The following MDGA2 variants were observed in gnomAD, a reference collection of about 807,000 sequenced individuals.
MDGA2 encodes the protein MAM domain-containing glycosylphosphatidylinositol anchor protein 2.
In MDGA2, 40 loss-of-function variants were observed where a neutral mutation model predicts 117.8. The ratio of observed to expected loss-of-function variants is 0.34; its 90% confidence interval spans 0.26 to 0.44. The LOEUF (loss-of-function observed/expected upper bound fraction) is 0.44, where lower values mean the gene tolerates loss of function less well. MDGA2 is among the 20% of genes least tolerant of loss of function. The pLI is 1.00. For synonymous variants in MDGA2, 452 were observed against 439.0 expected (o/e 1.03, Z -0.37); for missense variants, 1,123 against 1,250.6 (o/e 0.90, Z 1.54).
intron 6 of MDGA2, among the ~76,000 whole-genome samples, chr14:47,085,618 CTTT>C (rs200319028): frequency 4.0e-4 from 58 of 146,790 alleles, no homozygotes; most frequent in South Asian, 1.9e-3. Flanking sequence ...TAAATCAAGT[CTTT>C]TTTTTTTTTT....
Position 47,094,360 on chromosome 14 carries a change from C to G in MDGA2, c.1195+2494G>C, listed in dbSNP as rs1344917300. ...AGGTCTTTCATGTCAAAGTTGGAAA[C>G]TTTCTTTTGTAAGGATACAGGTGAA... On this transcript the variant is annotated intron_variant, in intron 6 of 16. Transcript: ENST00000399232. 4.6e-5 allele frequency among the ~76,000 whole-genome samples: 7 copies of G among 151,900 alleles called. No individual in the cohort carries two copies. In the East Asian group the frequency reaches 1.2e-3, roughly 25 times the overall value.
At chr14:47,041,233 T>G (rs1246560443) in intron 7 of MDGA2, among the ~76,000 whole-genome samples, 2 of 152,080 alleles carry the variant, frequency 1.3e-5, no homozygotes, top group South Asian at 2.1e-4. Flanking sequence ...TTCTTTCATT[T>G]AAATATTTGA....
At chr14:47,265,495 A>T (rs529593795) in intron 2 of MDGA2, among the ~76,000 whole-genome samples, 90 of 152,206 alleles carry the variant, frequency 5.9e-4, no homozygotes, top group Non-Finnish European at 9.4e-4. Flanking sequence ...AGTTTTCATT[A>T]GTTGGTCTAT....
At chr14:47,284,839 T>C (rs1252318962) in intron 2 of MDGA2, among the ~76,000 whole-genome samples, 1 of 152,152 alleles carries the variant, frequency 6.6e-6, no homozygotes, top group Non-Finnish European at 1.5e-5. Context: ...TCTTTGACTG[T>C]CTGCCTGTAC....
intron 9 of MDGA2, among the ~76,000 whole-genome samples, chr14:46,950,412 T>C (rs977408008): frequency 1.3e-4 from 19 of 151,970 alleles, no homozygotes; most frequent in African/African-American, 4.3e-4. Context: ...GTAGTAGGGT[T>C]GTTGGAGATG....
At chr14:47,345,401 T>C (rs1320528539) in intron 1 of MDGA2, among the ~76,000 whole-genome samples, 2 of 152,132 alleles carry the variant, frequency 1.3e-5, no homozygotes, top group Non-Finnish European at 2.9e-5. Context: ...GCACCAATAT[T>C]CTTTATGCAA....
At chr14:47,242,005 T>C (rs1016791183) in intron 2 of MDGA2, among the ~76,000 whole-genome samples, 1 of 151,842 alleles carries the variant, frequency 6.6e-6, no homozygotes, top group African/African-American at 2.4e-5. Flanking sequence ...AGATGGTGCA[T>C]AGAAAATGAC....
intron 2 of MDGA2, among the ~76,000 whole-genome samples, chr14:47,246,988 C>A (rs1386576918): frequency 6.6e-6 from 1 of 151,750 alleles, no homozygotes; most frequent in Non-Finnish European, 1.5e-5. Context: ...ATTGTGCGAT[C>A]CTCAGTTATC....
intron 1 of MDGA2, among the ~76,000 whole-genome samples, chr14:47,666,863 G>C (rs1470397987): frequency 1.3e-5 from 2 of 151,932 alleles, no homozygotes; most frequent in Non-Finnish European, 2.9e-5. Flanking sequence ...AGACCACAAA[G>C]CCACTGGGAG....
At position 46,919,000 on chromosome 14, in the gene MDGA2, G is replaced by T. The variant is rs181407953; in HGVS notation, c.2238+1012C>A. 3.3e-3 allele frequency among the ~76,000 whole-genome samples: 498 copies of T among 152,162 alleles called. 4 individuals carry two copies. The highest frequency in any genetic ancestry group is 0.012 in the African/African-American group (478 of 41,512). ...GATGGTCTCAATCTCCTGACCTCGT[G>T]ATTCGCCCGCCTCGGCCTCCTAAAG... On this transcript the variant is annotated intron_variant, in intron 10 of 16. Transcript: ENST00000399232.
chr14:47,515,873 T>C (rs1894740916), intron 1 of MDGA2, among the ~76,000 whole-genome samples: 1 of 152,130 alleles, frequency 6.6e-6, no homozygotes, highest in Non-Finnish European at 1.5e-5. Flanking sequence ...CATCTGCAAA[T>C]AGTACAGAAC....
chr14:47,370,824 G>A (rs946234335), intron 1 of MDGA2, among the ~76,000 whole-genome samples: 6 of 151,442 alleles, frequency 4.0e-5, no homozygotes, highest in Middle Eastern at 6.8e-3. Context: ...ATCCTCTTCT[G>A]TATTCCCATT....
chr14:47,609,427 T>TAATATATATATA (rs1896799227), intron 1 of MDGA2, among the ~76,000 whole-genome samples: 1 of 6,934 alleles, frequency 1.4e-4, no homozygotes, highest in Admixed American at 2.6e-3. Flanking sequence ...TAGTATTCCA[T>TAATATATATATA]CATATATATA....
At chr14:47,324,647 AT>A (rs151283241) in intron 1 of MDGA2, among the ~76,000 whole-genome samples, 43 of 151,120 alleles carry the variant, frequency 2.8e-4, no homozygotes, top group African/African-American at 6.3e-4. Flanking sequence ...AAATTCATGC[AT>A]TTTTTTTTGA....
At chr14:47,314,227 T>A (rs529854495) in intron 1 of MDGA2, among the ~76,000 whole-genome samples, 2 of 152,264 alleles carry the variant, frequency 1.3e-5, no homozygotes, top group South Asian at 4.1e-4. Flanking sequence ...TATGAGGATG[T>A]GATCATTAAT....
intron 1 of MDGA2, among the ~76,000 whole-genome samples, chr14:47,638,061 T>G (rs922683414): frequency 6.6e-6 from 1 of 152,178 alleles, no homozygotes; most frequent in African/African-American, 2.4e-5. Context: ...GCTGGTTTAA[T>G]GATGCCTAAA....
chr14:46,951,965 C>T (rs746331171), intron 9 of MDGA2, among the ~76,000 whole-genome samples: 8 of 151,974 alleles, frequency 5.3e-5, no homozygotes, highest in Non-Finnish European at 8.8e-5. Context: ...AATAATTAAA[C>T]CTCATATCAT....
rs151112841 is a variant in MDGA2 at position 47,576,496 on chromosome 14, A to C, written c.280+98021T>G. 1.8e-3 allele frequency among the ~76,000 whole-genome samples: 273 copies of C among 152,266 alleles called. 1 individual carries two copies. Among genetic ancestry groups the C allele is most frequent in the African/African-American group, 6.3e-3 (262 of 41,572 alleles). On this transcript the variant is annotated intron_variant, in intron 1 of 16. Transcript: ENST00000399232. ...TCAATCATTATAAAAACAAACAGCC[A>C]TATTTCCCCAGTGTTCAATCTCCAA... is the stretch of plus-strand genomic sequence containing the variant.
At chr14:47,667,033 T>C (rs976546195) in intron 1 of MDGA2, among the ~76,000 whole-genome samples, 4 of 152,118 alleles carry the variant, frequency 2.6e-5, no homozygotes, top group Non-Finnish European at 4.4e-5. Flanking sequence ...CACACTGCCT[T>C]TAAGAACTGT....
Sources: allele counts gnomAD v4.1 joint callset (sites outside exome capture counted in the v4.1 genomes callset), GRCh38; gene constraint gnomAD v4.1.1; transcripts MANE v1.5; gene names NCBI Gene and HGNC (gene_info 2026-07-23, HGNC 2026-07-21).